TP63: variants seen among roughly 807,000 people sequenced by gnomAD.
The protein encoded by TP63 is tumor protein 63.
TP63 carries 17 observed loss-of-function variants against 82.8 expected under a neutral mutation model. The observed-to-expected ratio is 0.21, with a 90% CI of 0.14 to 0.31. The LOEUF is 0.31. TP63 is among the 10% of genes least tolerant of loss of function. TP63 has a pLI of 1.00. For missense variants in TP63, 648 were observed against 895.3 expected (o/e 0.72, Z 3.52); for synonymous variants, 330 against 321.7 (o/e 1.03, Z -0.28).
chr3:189,808,009 A>G (rs1404528338), intron 3 of TP63, among the ~76,000 whole-genome samples: 1 of 152,156 alleles, frequency 6.6e-6, no homozygotes, highest in South Asian at 2.1e-4. Flanking sequence ...CATATACTCT[A>G]CTTTCAAATG....
At chr3:189,788,411 G>A (rs9843696) in intron 3 of TP63, among the ~76,000 whole-genome samples, 12,862 of 152,046 alleles carry the variant, frequency 0.085, 620 homozygotes, top group African/African-American at 0.13. Flanking sequence ...AGTCGTGAAC[G>A]TATTTGCAAA....
chr3:189,852,784 G>A (rs769811750), intron 4 of TP63, among the ~76,000 whole-genome samples: 2 of 152,064 alleles, frequency 1.3e-5, no homozygotes, highest in East Asian at 1.9e-4. Context: ...GACATCCAAG[G>A]CTCCTCAGAA....
chr3:189,878,577 A>G (rs1041046101), intron 10 of TP63, among the ~76,000 whole-genome samples: 1 of 133,500 alleles, frequency 7.5e-6, no homozygotes, highest in Non-Finnish European at 1.6e-5. Context: ...TGATATATAT[A>G]TATAATTTTT....
At chr3:189,848,136 C>T (rs1030926566) in intron 4 of TP63, among the ~76,000 whole-genome samples, 10 of 152,054 alleles carry the variant, frequency 6.6e-5, no homozygotes, top group South Asian at 2.1e-4. Context: ...GATTCCTCAT[C>T]GGCGAATAAA....
upstream of TP63, among the ~76,000 whole-genome samples, chr3:189,628,916 C>T (rs1577142069): frequency 6.6e-6 from 1 of 152,192 alleles, no homozygotes; most frequent in African/African-American, 2.4e-5. Context: ...TTCCATAATG[C>T]AATAGGAGCC....
rs1004202233 is a variant in TP63, at chr3:189,632,077, G to T, written c.62+500G>T. The stretch of plus-strand genomic sequence containing the variant: ...ATAATGAAAATCTTTTGACAAATCT[G>T]ACTTTTAAAGCTTGTGATTGTAGTA... On this transcript the variant is annotated intron_variant, in intron 1 of 13. Coordinates refer to ENST00000264731, the MANE Select transcript of TP63 (RefSeq NM_003722.5). 7.9e-5 allele frequency among the ~76,000 whole-genome samples: 12 copies of T among 152,104 alleles called. No homozygotes were observed. In the East Asian group the frequency reaches 2.1e-3, roughly 27 times the overall value.
upstream of TP63, chr3:189,631,239 G>A: frequency 1.0e-6 from 1 of 985,384 alleles, no homozygotes; most frequent in Non-Finnish European, 1.2e-6. Flanking sequence ...AGCCGTGAGA[G>A]AGGGGGAAGA....
intron 1 of TP63, among the ~76,000 whole-genome samples, chr3:189,667,613 T>C (rs1033449174): frequency 1.6e-4 from 25 of 152,096 alleles, no homozygotes; most frequent in African/African-American, 6.0e-4. Flanking sequence ...GAAGAGACTA[T>C]GGGAGGCTGC....
At chr3:189,869,989 G>A (rs1364818182) in intron 9 of TP63, among the ~76,000 whole-genome samples, 1 of 152,066 alleles carries the variant, frequency 6.6e-6, no homozygotes, top group African/African-American at 2.4e-5. Context: ...ACTAGCATGA[G>A]CTTCTCTACT....
At chr3:189,622,121 A>C in the TP63 span, among the ~76,000 whole-genome samples, 2 of 152,196 alleles carry the variant, frequency 1.3e-5, no homozygotes, top group African/African-American at 4.8e-5. Context: ...CGCACGCCCC[A>C]GATTTCAAAA....
intron 1 of TP63, among the ~76,000 whole-genome samples, chr3:189,654,043 G>A (rs1007830292): frequency 6.6e-6 from 1 of 152,104 alleles, no homozygotes; most frequent in African/African-American, 2.4e-5. Flanking sequence ...CTCTCTTCAT[G>A]CATTTATGTT....
chr3:189,878,952 G>C (rs1213040794), intron 10 of TP63, among the ~76,000 whole-genome samples: 1 of 150,120 alleles, frequency 6.7e-6, no homozygotes, highest in East Asian at 2.0e-4. Flanking sequence ...GAATTTCATA[G>C]TTATGAAGTT....
intron 1 of TP63, among the ~76,000 whole-genome samples, chr3:189,643,465 A>C (rs931876461): frequency 6.6e-6 from 1 of 151,620 alleles, no homozygotes; most frequent in African/African-American, 2.4e-5. Flanking sequence ...TAAAAAAAAA[A>C]AACCCTCAAT....
chr3:189,889,242 T>G, intron 11 of TP63, 98 bp from the exon 12 acceptor site: 1 of 1,559,118 alleles, frequency 6.4e-7, no homozygotes, highest in Non-Finnish European at 8.8e-7. Flanking sequence ...GCTGGTAGTT[T>G]AGGCCCTTGA....
the TP63 span, among the ~76,000 whole-genome samples, chr3:189,614,233 C>T: frequency 6.6e-6 from 1 of 152,136 alleles, no homozygotes; most frequent in Non-Finnish European, 1.5e-5. Flanking sequence ...GGGGACCAGT[C>T]TTTCCTGTGC....
At chr3:189,629,140 A>G (rs1047661581), upstream of TP63, among the ~76,000 whole-genome samples, 5 of 152,088 alleles carry the variant, frequency 3.3e-5, no homozygotes, top group Non-Finnish European at 5.9e-5. Flanking sequence ...CACTTTGGGA[A>G]GCCGGGTCGG....
chr3:189,886,834 C>T (rs776041893), intron 11 of TP63, among the ~76,000 whole-genome samples: 23 of 152,116 alleles, frequency 1.5e-4, no homozygotes, highest in Non-Finnish European at 2.9e-4. Flanking sequence ...TGGATGGAGA[C>T]TCACCACCTG....
chr3:189,811,274 T>A lies in TP63; in HGVS notation c.579+2748T>A, dbSNP rs552766417. Among the ~76,000 whole-genome samples, 114 of 152,134 alleles carry A rather than the reference T, an allele frequency of 7.5e-4. 1 individual carries two copies. Among genetic ancestry groups the A allele is most frequent in the African/African-American group, 2.7e-3 (112 of 41,394 alleles). On this transcript the variant is annotated intron_variant, in intron 4 of 13. Coordinates refer to ENST00000264731, the MANE Select transcript of TP63 (RefSeq NM_003722.5). The stretch of plus-strand genomic sequence containing the variant: ...TAGTATTAATAATTAACGTAGAAAG[T>A]TTTTAGAAGGGCTTTGGTTCGCATC...
intron 4 of TP63, among the ~76,000 whole-genome samples, chr3:189,838,536 A>C (rs1455460572): frequency 6.6e-6 from 1 of 152,154 alleles, no homozygotes; most frequent in Admixed American, 6.5e-5. Flanking sequence ...CTTTTAAGAG[A>C]TGTTGCAAGT....
Sources: gnomAD v4.1 joint callset for allele counts (sites outside exome capture counted in the v4.1 genomes callset) on GRCh38, gnomAD v4.1.1 for gene constraint, MANE v1.5 for transcripts, NCBI Gene and HGNC (gene_info 2026-07-23, HGNC 2026-07-21) for gene names.